Variants in RAC2 observed in about 807,000 individuals in gnomAD.
RAC2 encodes the protein ras-related C3 botulinum toxin substrate 2.
Under a neutral mutation model 24.0 loss-of-function variants are expected in RAC2, and 1 was observed. That is an observed-to-expected ratio of 0.04 (90% CI 0.01 to 0.20). RAC2 has a LOEUF of 0.20. Among genes scored for constraint, RAC2 ranks in the 10% least tolerant of loss-of-function variants. RAC2 has a pLI of 1.00. For synonymous variants in RAC2, 114 were observed against 106.8 expected (o/e 1.07, Z -0.41); for missense variants, 130 against 259.1 (o/e 0.50, Z 3.42).
In RAC2 at chr22:37,244,241, G is replaced by C. The variant is rs971365642; in HGVS notation, c.-93C>G. ...GGGTGTGGAGGCTGGTGAGGCGCCTGCTGAGGAGCAGCGGTGGTGGGGCAG... is the reference window on the plus strand; with the variant it reads ...GGGTGTGGAGGCTGGTGAGGCGCCTCCTGAGGAGCAGCGGTGGTGGGGCAG... On this transcript the variant is annotated 5_prime_UTR_variant, in exon 1 of 7. Transcript: ENST00000249071. 7.1e-7 allele frequency: 1 copy of C among 1,415,106 alleles called. No homozygotes were observed. Among genetic ancestry groups the C allele is most frequent in the Non-Finnish European group, 9.8e-7 (1 of 1,016,270 alleles). The allele number at this position is 1,415,106 out of a possible 1,614,324, so 87.7% of individuals were successfully genotyped here.
Position 37,231,562 on chromosome 22 carries a change from G to T in RAC2, c.289-172C>A. The T allele has an allele frequency of 1.6e-6, 1 of 645,154 alleles. No homozygotes were observed. The highest frequency in any genetic ancestry group is 2.7e-5 in the East Asian group (1 of 36,638). 40.0% of individuals were successfully genotyped at this position (645,154 alleles called of 1,614,324 possible). A position where few individuals can be genotyped will look rare whatever the true frequency, so the allele number is the denominator to read the frequency against. On this transcript the variant is annotated intron_variant, in intron 4 of 6. Transcript: ENST00000249071. The surrounding 1 kb of genome is among the most constrained non-coding windows in gnomAD (Gnocchi z 5.5). ...GAGAGACGTGAGGTGGCACAGGGAG[G>T]GGAGGCCACGACGTTGTGCAGGAAG...
chr22:37,229,523 G>C (rs144539258), intron 5 of RAC2, among the ~76,000 whole-genome samples: 15 of 152,350 alleles, frequency 9.8e-5, no homozygotes, highest in African/African-American at 3.6e-4. Flanking sequence ...CACATCAGCT[G>C]TGATTATCAG....
At chr22:37,235,479 A>G (rs1927195550) in intron 2 of RAC2, among the ~76,000 whole-genome samples, 1 of 152,122 alleles carries the variant, frequency 6.6e-6, no homozygotes, top group African/African-American at 2.4e-5. Context: ...TGTCGGGGCT[A>G]CCACCCCACC....
rs527802517 is a variant in RAC2 at position 37,241,369 on chromosome 22, C to A, written c.107+218G>T. Among the ~76,000 whole-genome samples, 4 of 152,348 alleles carry A rather than the reference C, an allele frequency of 2.6e-5. No homozygotes were observed. In the East Asian group the frequency reaches 5.8e-4, roughly 22 times the overall value. ...GCCTAAAGGCCACCCCTCCTCCCTTCTACCCCTTCCTCCATACCCCATCCC... is the reference window on the plus strand; with the variant it reads ...GCCTAAAGGCCACCCCTCCTCCCTTATACCCCTTCCTCCATACCCCATCCC... On this transcript the variant is annotated intron_variant, in intron 2 of 6. Coordinates refer to ENST00000249071, the MANE Select transcript of RAC2 (RefSeq NM_002872.5).
chr22:37,238,025 T>C (rs1927286310), intron 2 of RAC2, among the ~76,000 whole-genome samples: 1 of 150,650 alleles, frequency 6.6e-6, no homozygotes, highest in African/African-American at 2.5e-5. Context: ...CTGGGTGTCA[T>C]AAAGGGGAGT....
At chr22:37,230,524 C>T (rs1247442257) in intron 5 of RAC2, among the ~76,000 whole-genome samples, 1 of 152,100 alleles carries the variant, frequency 6.6e-6, no homozygotes, top group Non-Finnish European at 1.5e-5. Context: ...CTCCCTGATG[C>T]AGGCAGCCCT....
intron 2 of RAC2, chr22:37,241,212 T>G: frequency 1.3e-6 from 1 of 772,906 alleles, no homozygotes; most frequent in Non-Finnish European, 2.4e-6. Context: ...TGTCCCCAGG[T>G]GTCCCTGTTC....
chr22:37,229,634 C>T (rs560062564), intron 5 of RAC2, among the ~76,000 whole-genome samples: 4 of 152,338 alleles, frequency 2.6e-5, no homozygotes, highest in African/African-American at 9.6e-5. Context: ...CCAGTCCCCC[C>T]AGGACTCCCC....
At chr22:37,239,445 G>A (rs1927326967) in intron 2 of RAC2, among the ~76,000 whole-genome samples, 1 of 152,208 alleles carries the variant, frequency 6.6e-6, no homozygotes, top group South Asian at 2.1e-4. Context: ...TGGGAAGGTA[G>A]ATCTGGTCGG....
chr22:37,226,488 G>A (rs146620835), intron 6 of RAC2, among the ~76,000 whole-genome samples, 183 bp downstream of exon 6: 1 of 152,232 alleles, frequency 6.6e-6, no homozygotes, highest in East Asian at 1.9e-4. Flanking sequence ...GCCTCTGGAA[G>A]ATGAGCTCCA....
rs532322887 is a variant in RAC2 at position 37,234,198 on chromosome 22, G to A, written c.108-1280C>T. Among the ~76,000 whole-genome samples, 6 of 152,368 alleles carry A rather than the reference G, an allele frequency of 3.9e-5. No individual in the cohort carries two copies. The South Asian group carries it at 6.2e-4, about 16-fold the overall frequency. ...CCACAGCTGGCGGAAGGCCAGACAC[G>A]GGGTGAGGGGCCTGACAAATATCAG... is the stretch of plus-strand genomic sequence containing the variant. On this transcript the variant is annotated intron_variant, in intron 2 of 6. Transcript: ENST00000249071.
At chr22:37,230,544 C>CA (rs1442700222) in intron 5 of RAC2, among the ~76,000 whole-genome samples, 1 of 152,110 alleles carries the variant, frequency 6.6e-6, no homozygotes, top group Non-Finnish European at 1.5e-5. Flanking sequence ...TGAGCCACTA[C>CA]AAAGAAGCAC....
chr22:37,238,361 C>T (rs1008962630), intron 2 of RAC2, among the ~76,000 whole-genome samples: 2 of 152,014 alleles, frequency 1.3e-5, no homozygotes, highest in South Asian at 2.1e-4. Flanking sequence ...CTCAGTCTCC[C>T]GAGTCGCTGG....
chr22:37,243,079 G>C (rs972027748), intron 1 of RAC2, among the ~76,000 whole-genome samples: 3 of 152,180 alleles, frequency 2.0e-5, no homozygotes, highest in African/African-American at 7.2e-5. Flanking sequence ...GCTCACTGCA[G>C]CCTCAAACTC....
At chr22:37,240,722 G>C in intron 2 of RAC2, 1 of 414,760 alleles carries the variant, frequency 2.4e-6, no homozygotes, top group Non-Finnish European at 4.5e-6. Context: ...AGTCACTCTG[G>C]GGAGTGGAGA....
rs569708390 is a variant in RAC2 at position 37,232,396 on chromosome 22, G to A, written c.226-402C>T. The stretch of plus-strand genomic sequence containing the variant: ...CACCATCTGATTACCGGCCTTAGCC[G>A]CCTCCCTGCATACCCTGGAGGAAGG... On this transcript the variant is annotated intron_variant, in intron 3 of 6. Transcript: ENST00000249071. 316 of 414,340 alleles carry A rather than the reference G, an allele frequency of 7.6e-4. 3 individuals are homozygous for A. The highest frequency in any genetic ancestry group is 2.4e-3 in the South Asian group (108 of 44,614). The allele number at this position is 414,340 out of a possible 1,614,324, so 25.7% of individuals were successfully genotyped here. A position where few individuals can be genotyped will look rare whatever the true frequency, so the allele number is the denominator to read the frequency against.
At chr22:37,229,285 G>A (rs1242938107) in intron 5 of RAC2, among the ~76,000 whole-genome samples, 1 of 152,144 alleles carries the variant, frequency 6.6e-6, no homozygotes, top group East Asian at 1.9e-4. Flanking sequence ...TACAGAGAGG[G>A]CAAGGAGGGT....
At chr22:37,240,836 G>A in intron 2 of RAC2, 4 of 594,966 alleles carry the variant, frequency 6.7e-6, no homozygotes, top group Non-Finnish European at 1.2e-5. Flanking sequence ...ACTATGGGGA[G>A]AGAGAACAGC....
In RAC2 at chr22:37,237,185, C is replaced by CAGGA. The variant is rs892658974; in HGVS notation, c.108-4271_108-4268dup. Among the ~76,000 whole-genome samples the CAGGA allele has an allele frequency of 3.7e-4, 46 of 125,618 alleles. No homozygotes were observed. In the East Asian group the frequency reaches 8.4e-3, roughly 23 times the overall value. 82.4% of individuals were successfully genotyped at this position (125,618 alleles called of 152,430 possible). ...GCCTGGTGACACAGCGAGACTCCGT[C>CAGGA]AGGAAGGAAGGAAGGAAGGGAGGAA... On this transcript the variant is annotated intron_variant, in intron 2 of 6. Transcript: ENST00000249071.
Sources: gnomAD v4.1 joint callset for allele counts (sites outside exome capture counted in the v4.1 genomes callset) on GRCh38, gnomAD v4.1.1 for gene constraint, Gnocchi (gnomAD v3.1) non-coding constraint, MANE v1.5 for transcripts, NCBI Gene and HGNC (gene_info 2026-07-23, HGNC 2026-07-21) for gene names.